Variants in STXBP4 observed in about 807,000 individuals in gnomAD.
STXBP4 encodes the protein syntaxin binding protein 4.
STXBP4 carries 55 observed loss-of-function variants against 76.1 expected under a neutral mutation model. That is an observed-to-expected ratio of 0.72 (90% CI 0.58 to 0.91). The LOEUF (loss-of-function observed/expected upper bound fraction) is 0.91. STXBP4 is among the 40% of genes least tolerant of loss of function. The pLI, the probability that STXBP4 is intolerant of heterozygous loss-of-function variation, is 0.00. For synonymous variants in STXBP4, 201 were observed against 220.2 expected, an observed-to-expected ratio of 0.91 and a Z score of 0.77; for missense variants, 618 against 636.9, an observed-to-expected ratio of 0.97 and a Z score of 0.32.
At chr17:55,107,222 C>T (rs1161880615) in intron 16 of STXBP4, among the ~76,000 whole-genome samples, 1 of 152,084 alleles carries the variant, frequency 6.6e-6, no homozygotes, top group Admixed American at 6.6e-5. Flanking sequence ...TCCGCTTTAT[C>T]GATTTGGCTA....
intron 8 of STXBP4, among the ~76,000 whole-genome samples, chr17:55,021,051 A>T (rs2078302049): frequency 6.6e-6 from 1 of 152,016 alleles, no homozygotes; most frequent in South Asian, 2.1e-4. Flanking sequence ...TTTTTCTTCC[A>T]CCCAGACCTA....
chr17:54,979,329 C>T (rs952028249), intron 1 of STXBP4, among the ~76,000 whole-genome samples: 3 of 152,134 alleles, frequency 2.0e-5, no homozygotes, highest in Non-Finnish European at 4.4e-5. Context: ...CTTCTGACCC[C>T]AGCCACATCT....
At chr17:55,086,733 C>T (rs996028041) in intron 16 of STXBP4, among the ~76,000 whole-genome samples, 1 of 152,114 alleles carries the variant, frequency 6.6e-6, no homozygotes, top group African/African-American at 2.4e-5. Context: ...ATACACATGG[C>T]AGGATGTCTC....
chr17:55,182,485 A>G, the STXBP4 span, among the ~76,000 whole-genome samples: 1 of 152,190 alleles, frequency 6.6e-6, no homozygotes. Flanking sequence ...ATGAGAAGGG[A>G]TAACGTATAA....
chr17:55,059,442 A>G (rs1488313026), intron 12 of STXBP4, among the ~76,000 whole-genome samples: 1 of 152,148 alleles, frequency 6.6e-6, no homozygotes, highest in African/African-American at 2.4e-5. Flanking sequence ...TTCTACCAAA[A>G]CAGTAAAGTC....
intron 12 of STXBP4, among the ~76,000 whole-genome samples, chr17:55,070,488 C>T (rs1264387864): frequency 1.3e-5 from 2 of 152,192 alleles, no homozygotes; most frequent in East Asian, 1.9e-4. Context: ...TATTATAAAA[C>T]AATTACTTTT....
At chr17:54,988,654 A>C (rs2077662787) in intron 3 of STXBP4, among the ~76,000 whole-genome samples, 2 of 152,142 alleles carry the variant, frequency 1.3e-5, no homozygotes, top group Non-Finnish European at 2.9e-5. Context: ...ACGCACCTGT[A>C]ATCCCAGCTA....
the STXBP4 span, among the ~76,000 whole-genome samples, chr17:55,211,031 A>G: frequency 0.023 from 3,535 of 152,208 alleles, 151 homozygotes; most frequent in African/African-American, 0.08. Context: ...ACTCTTAGAA[A>G]TGGAGTTTTC....
intron 9 of STXBP4, among the ~76,000 whole-genome samples, chr17:55,032,121 A>G (rs2078519490): frequency 6.6e-6 from 1 of 152,126 alleles, no homozygotes; most frequent in Admixed American, 6.6e-5. Context: ...TATTTTGCAC[A>G]TATATTCGTT....
At chr17:54,997,616 T>TA (rs1567710072) in intron 4 of STXBP4, among the ~76,000 whole-genome samples, 5 of 146,790 alleles carry the variant, frequency 3.4e-5, no homozygotes, top group Non-Finnish European at 7.5e-5. Context: ...ATATATATAT[T>TA]TTTTTTGAGA....
chr17:55,080,147 A>G (rs929624216), intron 15 of STXBP4, among the ~76,000 whole-genome samples: 3 of 152,190 alleles, frequency 2.0e-5, no homozygotes, highest in African/African-American at 2.4e-5. Flanking sequence ...TAAAATGACT[A>G]TTTAAAAGCC....
intron 11 of STXBP4, among the ~76,000 whole-genome samples, chr17:55,046,697 G>A (rs1406675708): frequency 1.3e-5 from 2 of 151,906 alleles, no homozygotes; most frequent in African/African-American, 4.8e-5. Flanking sequence ...AGGTGAGCCA[G>A]TCTCATATGC....
At chr17:55,195,939 A>G in the STXBP4 span, among the ~76,000 whole-genome samples, 134 of 151,868 alleles carry the variant, frequency 8.8e-4, no homozygotes, top group African/African-American at 3.1e-3. Flanking sequence ...TCACAGGACA[A>G]CCCACTCTCC....
At chr17:54,970,920 G>A (rs2077390578) in intron 1 of STXBP4, among the ~76,000 whole-genome samples, 1 of 152,168 alleles carries the variant, frequency 6.6e-6, no homozygotes, top group Non-Finnish European at 1.5e-5. Context: ...CATTGTATCT[G>A]ATCTTAGTAT....
intron 8 of STXBP4, among the ~76,000 whole-genome samples, chr17:55,025,380 C>T (rs2078393106): frequency 6.6e-6 from 1 of 151,998 alleles, no homozygotes. Flanking sequence ...ATCAAAAAAA[C>T]TTTGTACAAA....
chr17:55,008,794 G>A (rs894186060), intron 8 of STXBP4, among the ~76,000 whole-genome samples: 19 of 152,114 alleles, frequency 1.2e-4, no homozygotes, highest in Admixed American at 2.6e-4. Context: ...CTACTTTTAG[G>A]GGAGGATCAG....
At chr17:55,152,113 A>G (rs773176436) in intron 17 of STXBP4, among the ~76,000 whole-genome samples, 6 of 152,324 alleles carry the variant, frequency 3.9e-5, no homozygotes, top group African/African-American at 1.4e-4. Flanking sequence ...CTGATCCTCC[A>G]TTATAAGTAA....
At chr17:55,046,055 C>T (rs2078781724) in intron 11 of STXBP4, among the ~76,000 whole-genome samples, 1 of 151,952 alleles carries the variant, frequency 6.6e-6, no homozygotes, top group Admixed American at 6.6e-5. Flanking sequence ...TAATTTTTAT[C>T]TTGCAAGAAT....
intron 16 of STXBP4, among the ~76,000 whole-genome samples, chr17:55,120,873 C>A (rs1330816179): frequency 6.6e-6 from 1 of 151,994 alleles, no homozygotes; most frequent in African/African-American, 2.4e-5. Flanking sequence ...TCCATGCCCT[C>A]AGAGTTGCAT....
Sources: gnomAD v4.1 joint callset for allele counts (sites outside exome capture counted in the v4.1 genomes callset) on GRCh38, gnomAD v4.1.1 for gene constraint, MANE v1.5 for transcripts, NCBI Gene and HGNC (gene_info 2026-07-23, HGNC 2026-07-21) for gene names.